The following AFF2 variants were observed in gnomAD, a reference collection of about 807,000 sequenced individuals.
The protein encoded by AFF2 is ALF transcription elongation factor 2.
A neutral mutation model predicts 76.9 loss-of-function variants in AFF2; 14 were observed. That is an observed-to-expected ratio of 0.18 (90% CI 0.12 to 0.28). AFF2 has a LOEUF of 0.28. AFF2 is among the 10% of genes least tolerant of loss of function. AFF2 has a pLI of 1.00. For missense variants in AFF2, 868 were observed against 1,001.1 expected (o/e 0.87, Z 1.79); for synonymous variants, 398 against 366.7 (o/e 1.09, Z -0.98).
intron 3 of AFF2, among the ~76,000 whole-genome samples, chrX:148,726,947 G>C (rs1557264298): frequency 8.9e-6 from 1 of 111,750 alleles, no homozygotes; most frequent in African/African-American, 3.3e-5. Context: ...CAGATTAACA[G>C]AGCCCCCAGT....
intron 1 of AFF2, among the ~76,000 whole-genome samples, chrX:148,572,500 A>G (rs1469006904): frequency 8.9e-6 from 1 of 111,946 alleles, no homozygotes; most frequent in Non-Finnish European, 1.9e-5. Flanking sequence ...AAAAGTGGGA[A>G]TGACTCAAAT....
intron 1 of AFF2, among the ~76,000 whole-genome samples, chrX:148,526,618 G>C (rs2052663556): frequency 9.0e-6 from 1 of 110,633 alleles, no homozygotes; most frequent in South Asian, 3.8e-4. Context: ...ATAGAAAAGG[G>C]GATAGGTATA....
intron 19 of AFF2, among the ~76,000 whole-genome samples, chrX:148,983,673 C>G (rs2072422027): frequency 9.0e-6 from 1 of 110,837 alleles, no homozygotes; most frequent in African/African-American, 3.3e-5. Flanking sequence ...CTAGTATACT[C>G]TTTGCTCTTT....
intron 1 of AFF2, among the ~76,000 whole-genome samples, chrX:148,515,918 A>T (rs2052529493): frequency 8.9e-6 from 1 of 111,852 alleles, no homozygotes; most frequent in Admixed American, 9.5e-5. Context: ...TAGCCAAAAA[A>T]CAAAAACAAA....
intron 7 of AFF2, among the ~76,000 whole-genome samples, chrX:148,860,280 C>G (rs1407736945): frequency 8.9e-6 from 1 of 111,807 alleles, no homozygotes; most frequent in Non-Finnish European, 1.9e-5. Flanking sequence ...TTAAATTTGT[C>G]TGGTTCACAG....
At chrX:148,512,489 T>C (rs1255177511) in intron 1 of AFF2, among the ~76,000 whole-genome samples, 3 of 112,289 alleles carry the variant, frequency 2.7e-5, no homozygotes, top group Non-Finnish European at 5.6e-5. Flanking sequence ...GAACAAAAAA[T>C]AGAAATTTGA....
chrX:148,504,155 G>GA (rs2052382403), intron 1 of AFF2, among the ~76,000 whole-genome samples: 1 of 111,061 alleles, frequency 9.0e-6, no homozygotes, highest in Non-Finnish European at 1.9e-5. Context: ...ATTTAAGAGG[G>GA]AAAAAAAGCA....
chrX:148,795,835 ATATATATATATATATATATATATAT>A (rs2069971894), intron 3 of AFF2, among the ~76,000 whole-genome samples: 1 of 11,607 alleles, frequency 8.6e-5, no homozygotes, highest in Non-Finnish European at 1.5e-4. Context: ...AAAAAAAAAT[ATATATATATATATATATATATATAT>A]ATATATATAT....
chrX:148,557,733 A>G (rs2053067445), intron 1 of AFF2, among the ~76,000 whole-genome samples: 1 of 112,369 alleles, frequency 8.9e-6, no homozygotes, highest in African/African-American at 3.2e-5. Flanking sequence ...TCCTAAATCT[A>G]TTATCTTTAT....
chrX:148,751,992 T>C (rs919128281), intron 3 of AFF2, among the ~76,000 whole-genome samples: 8 of 111,550 alleles, frequency 7.2e-5, no homozygotes, highest in Non-Finnish European at 1.3e-4. Context: ...CTTGCGGCAA[T>C]CCTCATGTGG....
intron 1 of AFF2, among the ~76,000 whole-genome samples, chrX:148,631,081 G>C (rs1324632050): frequency 4.5e-5 from 5 of 111,658 alleles, no homozygotes; most frequent in Non-Finnish European, 1.9e-5. Flanking sequence ...TCCCAAATTG[G>C]TCTCTCATTC....
At chrX:148,804,022 C>G (rs181155482) in intron 3 of AFF2, among the ~76,000 whole-genome samples, 1 of 111,621 alleles carries the variant, frequency 9.0e-6, no homozygotes, top group Admixed American at 9.5e-5. Flanking sequence ...AGCCAGTTTA[C>G]AAGGCAACCA....
In AFF2 at chrX:148,997,819, T is replaced by C. The variant is rs1557293568; in HGVS notation, c.*6487T>C. On this transcript the variant is annotated 3_prime_UTR_variant, in exon 21 of 21. Transcript: ENST00000370460. ...TAACATCATCCAGTGCATCCCCTAA[T>C]TCAAAACCATCCTCACTAATCAATC... 8.9e-6 allele frequency: 1 copy of C among 112,232 alleles called. No individual in the cohort carries two copies. The highest frequency in any genetic ancestry group is 1.9e-5 in the Non-Finnish European group (1 of 53,260). The allele number at this position is 112,232 out of a possible 1,213,427, so 9.2% of individuals were successfully genotyped here. A position where few individuals can be genotyped will look rare whatever the true frequency, so the allele number is the denominator to read the frequency against.
intron 1 of AFF2, among the ~76,000 whole-genome samples, chrX:148,581,687 C>T (rs782676110): frequency 9.0e-6 from 1 of 111,402 alleles, no homozygotes; most frequent in African/African-American, 3.3e-5. Context: ...TATACGTATA[C>T]GTATATGTAT....
At position 148,652,263 on chromosome X, in the gene AFF2, C is replaced by T. The variant is rs782521569; in HGVS notation, c.180+132C>T. 1.8e-5 allele frequency: 9 copies of T among 502,633 alleles called. No homozygotes were observed. The South Asian group carries it at 3.8e-4, about 21-fold the overall frequency. 41.4% of individuals were successfully genotyped at this position (502,633 alleles called of 1,213,427 possible). ...ATTTTACAAGTGAAATTTGTACATA[C>T]ACTGTATTTGAGGCAACTGCAAGTT... On this transcript the variant is annotated intron_variant, in intron 2 of 20. Coordinates refer to ENST00000370460, the MANE Select transcript of AFF2 (RefSeq NM_002025.4).
chrX:148,632,155 A>C (rs2053987457), intron 1 of AFF2, among the ~76,000 whole-genome samples: 1 of 112,082 alleles, frequency 8.9e-6, no homozygotes, highest in Admixed American at 9.5e-5. Flanking sequence ...TTAATGCTTA[A>C]ACAGAATTTC....
At chrX:148,693,163 C>A (rs141712092) in intron 3 of AFF2, among the ~76,000 whole-genome samples, 1 of 111,140 alleles carries the variant, frequency 9.0e-6, no homozygotes, top group African/African-American at 3.3e-5. Flanking sequence ...GTGATCCACC[C>A]GCCTCGACCT....
At chrX:148,782,199 T>C (rs1429288804) in intron 3 of AFF2, among the ~76,000 whole-genome samples, 3 of 111,980 alleles carry the variant, frequency 2.7e-5, no homozygotes, top group African/African-American at 6.5e-5. Flanking sequence ...TATAAGTTAA[T>C]GTTCACAGAT....
chrX:148,970,382 T>C (rs2072235133), intron 15 of AFF2, among the ~76,000 whole-genome samples: 1 of 112,165 alleles, frequency 8.9e-6, no homozygotes, highest in Non-Finnish European at 1.9e-5. Context: ...ATTTTGAGAA[T>C]TGAAACTTTC....
Sources: gnomAD v4.1 joint callset for allele counts (sites outside exome capture counted in the v4.1 genomes callset) on GRCh38, gnomAD v4.1.1 for gene constraint, MANE v1.5 for transcripts, NCBI Gene and HGNC (gene_info 2026-07-23, HGNC 2026-07-21) for gene names.